The following UNC5D variants were observed in gnomAD, a reference collection of about 807,000 sequenced individuals.
UNC5D encodes netrin receptor UNC5D.
In UNC5D, 39 loss-of-function variants were observed where a neutral mutation model predicts 105.4. That is an observed-to-expected ratio of 0.37 (90% confidence interval 0.29 to 0.48). The LOEUF (loss-of-function observed/expected upper bound fraction) is 0.48. Among genes scored for constraint, UNC5D ranks in the 20% least tolerant of loss-of-function variants. UNC5D has a pLI of 0.98. For synonymous variants in UNC5D, 452 were observed against 450.4 expected (o/e 1.00, Z -0.04); for missense variants, 991 against 1,202.4 (o/e 0.82, Z 2.60).
chr8:35,510,962 T>C (rs1229772781), intron 1 of UNC5D, among the ~76,000 whole-genome samples: 2 of 152,204 alleles, frequency 1.3e-5, no homozygotes, highest in Non-Finnish European at 2.9e-5. Context: ...GCCAATTATA[T>C]AGCAAAGCCT....
rs895018926 is a variant in UNC5D, at chr8:35,646,426, C to G, written c.571-37121C>G. Among the ~76,000 whole-genome samples, 3 of 152,096 alleles carry G rather than the reference C, an allele frequency of 2.0e-5. No individual in the cohort carries two copies. In the South Asian group the frequency reaches 6.2e-4, roughly 32 times the overall value. Reference sequence around the variant, plus strand: ...TAAAATCAGCTCATTTTTGCCTGTCCCTATTTCTTTCTGATTTCATCTTTA... The same window carrying G: ...TAAAATCAGCTCATTTTTGCCTGTCGCTATTTCTTTCTGATTTCATCTTTA... On this transcript the variant is annotated intron_variant, in intron 4 of 16. Coordinates refer to ENST00000404895, the MANE Select transcript of UNC5D (RefSeq NM_080872.4).
chr8:35,413,499 A>T (rs2128960049), intron 1 of UNC5D, among the ~76,000 whole-genome samples: 1 of 151,964 alleles, frequency 6.6e-6, no homozygotes, highest in Middle Eastern at 3.4e-3. Context: ...TGCATGTAAA[A>T]ATAGCAGCTG....
At chr8:35,251,385 G>A (rs1205073508) in intron 1 of UNC5D, among the ~76,000 whole-genome samples, 1 of 152,054 alleles carries the variant, frequency 6.6e-6, no homozygotes, top group African/African-American at 2.4e-5. Context: ...CCACCCCCAT[G>A]ATTCAATTAT....
chr8:35,441,304 G>A (rs953656747), intron 1 of UNC5D, among the ~76,000 whole-genome samples: 7 of 151,884 alleles, frequency 4.6e-5, no homozygotes, highest in Non-Finnish European at 8.8e-5. Flanking sequence ...TTTTGAGAGA[G>A]AAATAACTTT....
intron 1 of UNC5D, among the ~76,000 whole-genome samples, chr8:35,451,041 CTTT>C (rs11368288): frequency 2.5e-4 from 26 of 103,936 alleles, no homozygotes; most frequent in East Asian, 5.8e-4. Flanking sequence ...TAATAATAAT[CTTT>C]TTTTTTTTTT....
chr8:35,499,016 A>T (rs893747032), intron 1 of UNC5D, among the ~76,000 whole-genome samples: 4 of 152,146 alleles, frequency 2.6e-5, no homozygotes, highest in Admixed American at 6.5e-5. Context: ...AAGCAACTCT[A>T]CCATTTGAAT....
intron 1 of UNC5D, among the ~76,000 whole-genome samples, chr8:35,331,434 A>G (rs1810622602): frequency 6.6e-6 from 1 of 152,128 alleles, no homozygotes; most frequent in African/African-American, 2.4e-5. Context: ...AGCAGTAACC[A>G]CGGAGCTTCA....
At chr8:35,372,510 C>T (rs1439159341) in intron 1 of UNC5D, among the ~76,000 whole-genome samples, 1 of 152,190 alleles carries the variant, frequency 6.6e-6, no homozygotes, top group East Asian at 1.9e-4. Context: ...GCTTATCCTA[C>T]ATAGCCATTG....
At chr8:35,718,287 C>T (rs907988669) in intron 8 of UNC5D, among the ~76,000 whole-genome samples, 2 of 152,144 alleles carry the variant, frequency 1.3e-5, no homozygotes, top group Non-Finnish European at 2.9e-5. Context: ...GAAAAGTATC[C>T]TGTGCCCACA....
intron 1 of UNC5D, among the ~76,000 whole-genome samples, chr8:35,342,142 T>G (rs1417526607): frequency 1.3e-5 from 2 of 152,080 alleles, no homozygotes; most frequent in Admixed American, 1.3e-4. Context: ...TAGGGCCCAG[T>G]GTACCTCACA....
At chr8:35,409,659 G>A (rs1435390029) in intron 1 of UNC5D, among the ~76,000 whole-genome samples, 2 of 151,840 alleles carry the variant, frequency 1.3e-5, no homozygotes, top group Non-Finnish European at 2.9e-5. Flanking sequence ...TATTGAATAT[G>A]TGATTCGGAT....
At chr8:35,296,525 T>C (rs1807500360) in intron 1 of UNC5D, among the ~76,000 whole-genome samples, 1 of 152,136 alleles carries the variant, frequency 6.6e-6, no homozygotes, top group Admixed American at 6.5e-5. Context: ...GTTCAAGCAA[T>C]TCTTCTGCCT....
intron 1 of UNC5D, among the ~76,000 whole-genome samples, chr8:35,393,327 G>T (rs920399008): frequency 1.3e-5 from 2 of 150,952 alleles, no homozygotes; most frequent in Non-Finnish European, 1.5e-5. Context: ...TAGAGACGGG[G>T]TTTCACCGTG....
chr8:35,591,532 T>A (rs1819174656), intron 3 of UNC5D, among the ~76,000 whole-genome samples: 1 of 152,180 alleles, frequency 6.6e-6, no homozygotes, highest in East Asian at 1.9e-4. Context: ...ACTATTATTA[T>A]TATTATTAAA....
chr8:35,426,776 G>C (rs1031866688), intron 1 of UNC5D, among the ~76,000 whole-genome samples: 1 of 152,130 alleles, frequency 6.6e-6, no homozygotes, highest in African/African-American at 2.4e-5. Flanking sequence ...GAATGTTCCA[G>C]AACCATTATT....
intron 7 of UNC5D, among the ~76,000 whole-genome samples, chr8:35,699,913 C>G (rs1048487595): frequency 6.6e-6 from 1 of 152,186 alleles, no homozygotes; most frequent in Admixed American, 6.5e-5. Flanking sequence ...AATATTTCTG[C>G]ATTTTTAATC....
At chr8:35,470,860 C>A (rs374319967) in intron 1 of UNC5D, among the ~76,000 whole-genome samples, 15 of 151,968 alleles carry the variant, frequency 9.9e-5, no homozygotes, top group African/African-American at 3.6e-4. Context: ...TTGTGAAGCA[C>A]AGCTTAGCAG....
At chr8:35,576,943 T>C (rs2589334) in intron 3 of UNC5D, among the ~76,000 whole-genome samples, 15,938 of 152,164 alleles carry the variant, frequency 0.1, 882 homozygotes, top group African/African-American at 0.14. Context: ...TTTGACGTAA[T>C]TTCAGACTTT....
intron 11 of UNC5D, among the ~76,000 whole-genome samples, chr8:35,746,877 C>T (rs1830034021): frequency 6.6e-6 from 1 of 152,144 alleles, no homozygotes; most frequent in Non-Finnish European, 1.5e-5. Context: ...CTCTGATGGC[C>T]CTGGCAGGCA....
Sources: allele counts gnomAD v4.1 joint callset (sites outside exome capture counted in the v4.1 genomes callset), GRCh38; gene constraint gnomAD v4.1.1; transcripts MANE v1.5; gene names NCBI Gene and HGNC (gene_info 2026-07-23, HGNC 2026-07-21).